The following LRRC4C variants were observed in gnomAD, a reference collection of about 807,000 sequenced individuals.
LRRC4C encodes leucine rich repeat containing 4C, also known as leucine-rich repeat-containing protein 4C.
A neutral mutation model predicts 33.6 loss-of-function variants in LRRC4C; 5 were observed. The ratio of observed to expected loss-of-function variants is 0.15; its 90% CI spans 0.08 to 0.31. The LOEUF (loss-of-function observed/expected upper bound fraction) is 0.31. Among genes scored for constraint, LRRC4C ranks in the 10% least tolerant of loss-of-function variants. The pLI, the probability that LRRC4C is intolerant of heterozygous loss-of-function variation, is 1.00. For synonymous variants in LRRC4C, 329 were observed against 302.0 expected, an observed-to-expected ratio of 1.09 and a Z score of -0.93; for missense variants, 560 against 796.7, an observed-to-expected ratio of 0.70 and a Z score of 3.58.
intron 1 of LRRC4C, among the ~76,000 whole-genome samples, chr11:40,971,981 C>T (rs1341305552): frequency 6.6e-6 from 1 of 152,124 alleles, no homozygotes; most frequent in Non-Finnish European, 1.5e-5. Flanking sequence ...AATGCCTGTA[C>T]CTCCATTGTA....
intron 4 of LRRC4C, among the ~76,000 whole-genome samples, chr11:40,267,357 A>AT (rs948499806): frequency 6.6e-6 from 1 of 151,940 alleles, no homozygotes. Context: ...TGTATGAAGT[A>AT]TTTTTTTCTT....
chr11:40,876,309 T>G (rs1429246512), intron 2 of LRRC4C, among the ~76,000 whole-genome samples: 1 of 146,964 alleles, frequency 6.8e-6, no homozygotes, highest in South Asian at 2.2e-4. Context: ...GAAACCCTTT[T>G]GAAAGCCGAG....
At chr11:41,384,106 T>G (rs1188577509) in intron 1 of LRRC4C, among the ~76,000 whole-genome samples, 1 of 151,942 alleles carries the variant, frequency 6.6e-6, no homozygotes, top group Admixed American at 6.6e-5. Context: ...AATGTAAAGC[T>G]GTAATATGGA....
intron 1 of LRRC4C, among the ~76,000 whole-genome samples, chr11:41,058,782 T>C (rs1363755872): frequency 6.6e-6 from 1 of 152,154 alleles, no homozygotes; most frequent in African/African-American, 2.4e-5. Context: ...TCACTATTCA[T>C]AATAACAAAG....
chr11:40,655,718 C>T (rs1943068712), intron 2 of LRRC4C, among the ~76,000 whole-genome samples: 1 of 152,052 alleles, frequency 6.6e-6, no homozygotes, highest in Non-Finnish European at 1.5e-5. Context: ...AAGAGTGTGG[C>T]TGAAAATTTG....
At chr11:40,990,231 T>TA (rs1555030574) in intron 1 of LRRC4C, among the ~76,000 whole-genome samples, 3 of 78,226 alleles carry the variant, frequency 3.8e-5, no homozygotes, top group East Asian at 5.8e-4. Flanking sequence ...ATGTCAAGTT[T>TA]TATATATATA....
At chr11:41,122,373 T>C (rs1942484697) in intron 1 of LRRC4C, among the ~76,000 whole-genome samples, 1 of 152,172 alleles carries the variant, frequency 6.6e-6, no homozygotes, top group Non-Finnish European at 1.5e-5. Context: ...GCTTGTTATG[T>C]TAGGTGCTCA....
At chr11:40,945,014 G>T (rs1958326917) in intron 1 of LRRC4C, among the ~76,000 whole-genome samples, 1 of 147,426 alleles carries the variant, frequency 6.8e-6, no homozygotes, top group African/African-American at 2.5e-5. Flanking sequence ...GTTCAACTTT[G>T]CAGTTTTTCT....
At position 41,448,122 on chromosome 11, in the gene LRRC4C, GT is replaced by G. The variant is rs71063918; in HGVS notation, c.-496+11308del. ...ACAAACGAGGCTGCTGCACACGTCT[GT>G]TTTTTTTTTTTTTTTTTTTGGAGCT... On this transcript the variant is annotated intron_variant, in intron 1 of 6. Transcript: ENST00000528697. Among the ~76,000 whole-genome samples the G allele has an allele frequency of 1.9e-3, 87 of 46,914 alleles. 3 individuals are homozygous for G. The highest frequency in any genetic ancestry group is 3.0e-3 in the Admixed American group (11 of 3,626). The allele number at this position is 46,914 out of a possible 152,430, so 30.8% of individuals were successfully genotyped here. A position where few individuals can be genotyped will look rare whatever the true frequency, so the allele number is the denominator to read the frequency against.
chr11:40,566,176 A>G (rs1957761479), intron 3 of LRRC4C, among the ~76,000 whole-genome samples: 2 of 139,930 alleles, frequency 1.4e-5, no homozygotes, highest in African/African-American at 5.4e-5. Flanking sequence ...TGGAGAAGTG[A>G]TATTAACTAG....
At chr11:41,136,185 A>G (rs1392165872) in intron 1 of LRRC4C, among the ~76,000 whole-genome samples, 4 of 152,184 alleles carry the variant, frequency 2.6e-5, no homozygotes, top group Non-Finnish European at 5.9e-5. Context: ...GGGAACCAAT[A>G]AGACTAAACA....
At chr11:40,612,247 T>A (rs1465203819) in intron 3 of LRRC4C, among the ~76,000 whole-genome samples, 1 of 151,928 alleles carries the variant, frequency 6.6e-6, no homozygotes, top group Non-Finnish European at 1.5e-5. Flanking sequence ...ACTACATTGA[T>A]GAACCTTGAA....
intron 2 of LRRC4C, among the ~76,000 whole-genome samples, chr11:40,687,249 C>A (rs1048489400): frequency 2.0e-5 from 3 of 152,040 alleles, no homozygotes; most frequent in African/African-American, 7.2e-5. Context: ...ATCCAGGACT[C>A]CAAACCCATT....
chr11:40,271,069 A>G (rs1247276046), intron 4 of LRRC4C, among the ~76,000 whole-genome samples: 1 of 152,160 alleles, frequency 6.6e-6, no homozygotes, highest in Non-Finnish European at 1.5e-5. Flanking sequence ...CCTAAGAGAT[A>G]TTCATACACG....
intron 1 of LRRC4C, among the ~76,000 whole-genome samples, chr11:41,250,286 A>G (rs1948598221): frequency 6.6e-6 from 1 of 152,198 alleles, no homozygotes; most frequent in Admixed American, 6.5e-5. Context: ...AACAAAATGA[A>G]ACTTTCCTCT....
chr11:40,518,893 A>G (rs1337010095), intron 3 of LRRC4C, among the ~76,000 whole-genome samples: 1 of 152,182 alleles, frequency 6.6e-6, no homozygotes, highest in Non-Finnish European at 1.5e-5. Context: ...GCACATATAC[A>G]CCATGGAATA....
chr11:40,999,587 G>A (rs1049864725), intron 1 of LRRC4C, among the ~76,000 whole-genome samples: 1 of 152,020 alleles, frequency 6.6e-6, no homozygotes, highest in Non-Finnish European at 1.5e-5. Context: ...CCCATAGGAT[G>A]GTGAAATAAT....
chr11:40,331,367 C>T lies in LRRC4C; in HGVS notation c.-269-11646G>A, dbSNP rs1024483269. Among the ~76,000 whole-genome samples the T allele has an allele frequency of 9.2e-5, 14 of 152,276 alleles. 1 individual carries two copies. The highest frequency in any genetic ancestry group is 7.8e-4 in the Admixed American group (12 of 15,294). ...CGTATCTGCATTCCCTTGTTTCTTGCAACACTATTTACAATAGCCAAGATA... is the reference window on the plus strand; with the variant it reads ...CGTATCTGCATTCCCTTGTTTCTTGTAACACTATTTACAATAGCCAAGATA... On this transcript the variant is annotated intron_variant, in intron 3 of 6. Transcript: ENST00000528697.
chr11:40,565,267 C>A (rs1425241802), intron 3 of LRRC4C, among the ~76,000 whole-genome samples: 4 of 152,096 alleles, frequency 2.6e-5, no homozygotes, highest in Non-Finnish European at 5.9e-5. Context: ...CAGACTGTGG[C>A]TGCTATCGGG....
Sources: gnomAD v4.1 joint callset for allele counts (sites outside exome capture counted in the v4.1 genomes callset) on GRCh38, gnomAD v4.1.1 for gene constraint, MANE v1.5 for transcripts, NCBI Gene and HGNC (gene_info 2026-07-23, HGNC 2026-07-21) for gene names.